The following DSE variants were observed in gnomAD, a reference collection of about 807,000 sequenced individuals.
DSE encodes the protein dermatan sulfate epimerase, also known as dermatan-sulfate epimerase.
Under a neutral mutation model 84.4 loss-of-function variants are expected in DSE, and 36 were observed. The observed-to-expected ratio is 0.43, with a 90% confidence interval of 0.33 to 0.56. The LOEUF is 0.56. Among genes scored for constraint, DSE ranks in the 20% least tolerant of loss-of-function variants. The pLI, the probability that DSE is intolerant of heterozygous loss-of-function variation, is 0.06. For synonymous variants in DSE, 410 were observed against 430.1 expected (o/e 0.95, Z 0.58); for missense variants, 862 against 1,169.6 (o/e 0.74, Z 3.84).
At chr6:116,354,760 C>T (rs887812380) in intron 2 of DSE, among the ~76,000 whole-genome samples, 2 of 151,974 alleles carry the variant, frequency 1.3e-5, no homozygotes, top group African/African-American at 4.8e-5. Flanking sequence ...TTTATTTTCC[C>T]ACAGTTTTTC....
At chr6:116,358,677 GACAA>G (rs575149287) in intron 2 of DSE, among the ~76,000 whole-genome samples, 5 of 152,268 alleles carry the variant, frequency 3.3e-5, no homozygotes, top group South Asian at 4.1e-4. Flanking sequence ...GTGGTCCTTG[GACAA>G]ACAAAGATAG....
At chr6:116,304,418 G>A (rs1244763226) in intron 2 of DSE, among the ~76,000 whole-genome samples, 7 of 152,100 alleles carry the variant, frequency 4.6e-5, no homozygotes, top group South Asian at 4.1e-4. Context: ...TGCATTTACC[G>A]TGAATAAACT....
At chr6:116,288,988 C>T (rs191473496) in intron 2 of DSE, among the ~76,000 whole-genome samples, 110 of 152,024 alleles carry the variant, frequency 7.2e-4, no homozygotes, top group Non-Finnish European at 1.1e-3. Context: ...AGTACTTATC[C>T]ACTGGCTCAC....
intron 2 of DSE, among the ~76,000 whole-genome samples, chr6:116,420,248 C>G (rs1782982990): frequency 6.6e-6 from 1 of 152,094 alleles, no homozygotes; most frequent in African/African-American, 2.4e-5. Context: ...TAGACAGTTG[C>G]TATGAACTGA....
intron 2 of DSE, among the ~76,000 whole-genome samples, chr6:116,303,786 C>G (rs1469306876): frequency 2.0e-5 from 3 of 152,006 alleles, no homozygotes; most frequent in Non-Finnish European, 2.9e-5. Flanking sequence ...GAATGGTGAG[C>G]CAGTCCTGTA....
Position 116,279,817 on chromosome 6 carries a change from T to A in DSE, c.-54+20850T>A, listed in dbSNP as rs1465014397. On this transcript the variant is annotated intron_variant, in intron 2 of 3. Coordinates refer to the DSE transcript ENST00000430252. ...GAGGGGAGTGGTCCTCTTGACCCCA[T>A]CCAGGCCGCTCATGTTGCTAACAGT... The A allele has an allele frequency of 2.5e-6, 4 of 1,613,030 alleles. No homozygotes were observed. The South Asian group carries it at 4.4e-5, about 18-fold the overall frequency.
At chr6:116,259,309 T>G in intron 2 of DSE, 1 of 505,138 alleles carries the variant, frequency 2.0e-6, no homozygotes. Flanking sequence ...TAAATGGTTA[T>G]ACCTGTAGAC....
intron 2 of DSE, among the ~76,000 whole-genome samples, chr6:116,346,508 A>G (rs1777978818): frequency 6.6e-6 from 1 of 152,222 alleles, no homozygotes; most frequent in Admixed American, 6.5e-5. Flanking sequence ...AACAGAACCA[A>G]AGACAAAAAC....
upstream of DSE, chr6:116,370,504 G>C: frequency 1.0e-6 from 1 of 986,092 alleles, no homozygotes. Flanking sequence ...CCGGTAGTAA[G>C]AGTCTTAACG....
intron 1 of DSE, 55 bp downstream of exon 1, chr6:116,371,176 G>A: frequency 1.0e-6 from 1 of 985,614 alleles, no homozygotes; most frequent in Non-Finnish European, 1.2e-6. Flanking sequence ...AACTTTCTTC[G>A]GGAGTTTCGG....
chr6:116,298,528 A>G (rs1774806729), intron 2 of DSE, among the ~76,000 whole-genome samples: 1 of 152,224 alleles, frequency 6.6e-6, no homozygotes, highest in Non-Finnish European at 1.5e-5. Flanking sequence ...TAGAAAGGTC[A>G]AGGAAATGGA....
chr6:116,312,141 C>G (rs1274903237), intron 2 of DSE, among the ~76,000 whole-genome samples: 1 of 152,050 alleles, frequency 6.6e-6, no homozygotes, highest in Non-Finnish European at 1.5e-5. Context: ...TATGATTTTG[C>G]AAAAGAGTGG....
At chr6:116,370,367 T>C (rs1779448097), upstream of DSE, 1 of 733,386 alleles carries the variant, frequency 1.4e-6, no homozygotes, top group East Asian at 1.3e-4. Flanking sequence ...ACTGCTTCTC[T>C]ATAGGTGACC....
At chr6:116,258,944 CGG>C in exon 2 of DSE, 1 of 1,525,898 alleles carries the variant, frequency 6.6e-7, no homozygotes, top group African/African-American at 1.4e-5. Flanking sequence ...AAGCATTTGG[CGG>C]CATACCACCC....
chr6:116,278,621 G>C, intron 2 of DSE: 2 of 1,614,184 alleles, frequency 1.2e-6, no homozygotes, highest in Non-Finnish European at 1.7e-6. Context: ...TATTGCAGTG[G>C]ATTTGGCCAC....
intron 2 of DSE, among the ~76,000 whole-genome samples, chr6:116,359,754 G>T (rs1665833989): frequency 1.3e-5 from 2 of 152,132 alleles, no homozygotes; most frequent in African/African-American, 4.8e-5. Context: ...TTACAAATTA[G>T]GAATCTATAA....
rs75836159 is a variant in DSE at position 116,294,645 on chromosome 6, T to C, written c.-54+35678T>C. On this transcript the variant is annotated intron_variant, in intron 2 of 3. Coordinates refer to the DSE transcript ENST00000430252. ...TAGGGGAAGTATTTGTAAAGGGAAG[T>C]GAGAAGATGTCAGGAAAGTCCTGCA... is the stretch of plus-strand genomic sequence containing the variant. Among the ~76,000 whole-genome samples the C allele has an allele frequency of 4.9e-3, 747 of 152,226 alleles. 8 individuals carry two copies. Among genetic ancestry groups the C allele is most frequent in the African/African-American group, 0.017 (719 of 41,532 alleles).
Position 116,420,374 on chromosome 6 carries a change from T to C in DSE, c.417-6200T>C, listed in dbSNP as rs1162883321. On this transcript the variant is annotated intron_variant, in intron 2 of 5. Transcript: ENST00000644252. The stretch of plus-strand genomic sequence containing the variant: ...GATGGAGGTCCTAAAGGTGGGGCTC[T>C]CATGATAGGATAAGTGCCCTGATAA... Among the ~76,000 whole-genome samples, 3 of 152,324 alleles carry C rather than the reference T, an allele frequency of 2.0e-5. No individual in the cohort carries two copies. The East Asian group carries it at 5.8e-4, about 29-fold the overall frequency.
chr6:116,307,857 T>C (rs937268078), intron 2 of DSE, among the ~76,000 whole-genome samples: 1 of 152,242 alleles, frequency 6.6e-6, no homozygotes, highest in Non-Finnish European at 1.5e-5. Context: ...ATGAACTGTT[T>C]AGTCAAGTTC....
Sources: allele counts gnomAD v4.1 joint callset (sites outside exome capture counted in the v4.1 genomes callset), GRCh38; gene constraint gnomAD v4.1.1; transcripts MANE v1.5; gene names NCBI Gene and HGNC (gene_info 2026-07-23, HGNC 2026-07-21).